The following LGR5 variants were observed in gnomAD, a reference collection of about 807,000 sequenced individuals.
LGR5 encodes leucine rich repeat containing G protein-coupled receptor 5.
In LGR5, 54 loss-of-function variants were observed where a neutral mutation model predicts 76.7. The ratio of observed to expected loss-of-function variants is 0.70; its 90% CI spans 0.57 to 0.88. The LOEUF (loss-of-function observed/expected upper bound fraction) is 0.88. Ranked by LOEUF, LGR5 falls within the 40% of genes least tolerant of loss-of-function variation. LGR5 has a pLI of 0.00. For synonymous variants in LGR5, 406 were observed against 421.9 expected (o/e 0.96, Z 0.46); for missense variants, 1,078 against 1,073.3 (o/e 1.00, Z -0.06).
intron 1 of LGR5, among the ~76,000 whole-genome samples, chr12:71,483,772 G>T (rs1337513688): frequency 6.6e-6 from 1 of 151,146 alleles, no homozygotes; most frequent in Non-Finnish European, 1.5e-5. Flanking sequence ...TTGTGTGTGT[G>T]GTGTGTGTGT....
At chr12:71,514,904 T>G (rs1215199125) in intron 2 of LGR5, among the ~76,000 whole-genome samples, 1 of 152,128 alleles carries the variant, frequency 6.6e-6, no homozygotes, top group African/African-American at 2.4e-5. Context: ...CAAGGAGTAT[T>G]AGGAAAGATA....
chr12:71,488,609 G>T (rs533310205), intron 1 of LGR5, among the ~76,000 whole-genome samples: 1 of 152,256 alleles, frequency 6.6e-6, no homozygotes, highest in East Asian at 1.9e-4. Flanking sequence ...ATGTTTTGCA[G>T]CATTGATTTA....
chr12:71,534,544 C>T (rs548906391), intron 3 of LGR5, among the ~76,000 whole-genome samples: 2 of 152,272 alleles, frequency 1.3e-5, no homozygotes, highest in South Asian at 4.1e-4. Flanking sequence ...TACATATGCC[C>T]TTCAACAGTG....
At position 71,533,966 on chromosome 12, in the gene LGR5, G is replaced by C. The variant is rs145422547; in HGVS notation, c.357-1149G>C. Among the ~76,000 whole-genome samples, 40 of 152,336 alleles carry C rather than the reference G, an allele frequency of 2.6e-4. 2 individuals are homozygous for C. In the East Asian group the frequency reaches 7.7e-3, roughly 29 times the overall value. The stretch of plus-strand genomic sequence containing the variant: ...ACTGGAAAACACACCAAGCTTTGGA[G>C]TTAGACACACCTGGGTGGAATTCCA... On this transcript the variant is annotated intron_variant, in intron 3 of 17. Coordinates refer to ENST00000266674, the MANE Select transcript of LGR5 (RefSeq NM_003667.4).
intron 17 of LGR5, 75 bp from the exon 18 acceptor site, chr12:71,583,568 TAAAG>T: frequency 1.4e-6 from 2 of 1,481,208 alleles, no homozygotes; most frequent in Admixed American, 4.2e-5. Flanking sequence ...GCATCCTAAA[TAAAG>T]AGACAAAAGG....
intron 4 of LGR5, among the ~76,000 whole-genome samples, chr12:71,547,300 A>G (rs1159568908): frequency 6.6e-6 from 1 of 152,206 alleles, no homozygotes; most frequent in Non-Finnish European, 1.5e-5. Flanking sequence ...CTATAATACT[A>G]ATTAAAACAT....
intron 3 of LGR5, among the ~76,000 whole-genome samples, chr12:71,529,831 CT>C (rs1431921479): frequency 1.3e-5 from 2 of 151,912 alleles, no homozygotes; most frequent in South Asian, 4.2e-4. Context: ...TGGTGCACCC[CT>C]GTAATCCCAG....
chr12:71,555,989 C>A (rs1877738224), intron 5 of LGR5, among the ~76,000 whole-genome samples: 1 of 152,134 alleles, frequency 6.6e-6, no homozygotes, highest in African/African-American at 2.4e-5. Flanking sequence ...GAATACTATG[C>A]AGCCATAAAA....
intron 1 of LGR5, among the ~76,000 whole-genome samples, chr12:71,442,327 C>T (rs1054013833): frequency 2.0e-5 from 3 of 152,102 alleles, no homozygotes; most frequent in African/African-American, 7.2e-5. Context: ...TGCCAATGTT[C>T]CCTATCTATC....
chr12:71,565,419 G>C (rs1878288978), intron 8 of LGR5, among the ~76,000 whole-genome samples: 1 of 9,968 alleles, frequency 1.0e-4, no homozygotes, highest in Non-Finnish European at 3.5e-3. Flanking sequence ...TGGATCAATT[G>C]AGCTATATAT....
intron 1 of LGR5, among the ~76,000 whole-genome samples, chr12:71,455,124 C>T (rs1023677527): frequency 1.3e-4 from 20 of 152,074 alleles, no homozygotes; most frequent in African/African-American, 4.8e-4. Flanking sequence ...CCAACTAAAT[C>T]ACAATTTCTG....
intron 6 of LGR5, among the ~76,000 whole-genome samples, chr12:71,557,473 A>T (rs1428872745): frequency 1.3e-5 from 2 of 152,224 alleles, no homozygotes; most frequent in African/African-American, 4.8e-5. Context: ...AGTCAGTAGC[A>T]GAACTGAGAT....
intron 4 of LGR5, among the ~76,000 whole-genome samples, chr12:71,544,664 T>G (rs533806426): frequency 3.5e-4 from 53 of 152,158 alleles, no homozygotes; most frequent in Admixed American, 2.6e-3. Flanking sequence ...AGTATTATAA[T>G]AGTTCTGTGA....
chr12:71,582,916 A>C (rs558166460), intron 17 of LGR5, among the ~76,000 whole-genome samples: 1 of 151,544 alleles, frequency 6.6e-6, no homozygotes, highest in East Asian at 1.9e-4. Context: ...TATTTGGTAA[A>C]AGCAAATAAT....
chr12:71,541,551 A>G (rs1168400971), intron 4 of LGR5, among the ~76,000 whole-genome samples: 1 of 152,240 alleles, frequency 6.6e-6, no homozygotes, highest in Non-Finnish European at 1.5e-5. Flanking sequence ...ATCAGTTGTG[A>G]AAAGACACAT....
upstream of LGR5, among the ~76,000 whole-genome samples, chr12:71,439,601 C>T (rs2137183520): frequency 6.6e-6 from 1 of 152,034 alleles, no homozygotes; most frequent in Admixed American, 6.5e-5. Flanking sequence ...AGTGGGAGCG[C>T]CGAGAACTCG....
At chr12:71,472,499 G>A (rs1873145241) in intron 1 of LGR5, among the ~76,000 whole-genome samples, 1 of 152,166 alleles carries the variant, frequency 6.6e-6, no homozygotes, top group Non-Finnish European at 1.5e-5. Context: ...CCAGTAAACA[G>A]GGAAATCACT....
At position 71,527,591 on chromosome 12, in the gene LGR5, CA is replaced by C. The variant is rs1876081014; in HGVS notation, c.356+3118del. ...TCCAAACATTTTTAAGGCGATAATACAAAATATTTATAAAGCAAACTTTTGA... is the reference window on the plus strand; with the variant it reads ...TCCAAACATTTTTAAGGCGATAATACAAATATTTATAAAGCAAACTTTTGA... On this transcript the variant is annotated intron_variant, in intron 3 of 17. Transcript: ENST00000266674. Among the ~76,000 whole-genome samples the C allele has an allele frequency of 2.0e-5, 3 of 152,152 alleles. No individual in the cohort carries two copies. The South Asian group carries it at 6.2e-4, about 31-fold the overall frequency.
At chr12:71,519,326 A>G (rs1192023666) in intron 2 of LGR5, among the ~76,000 whole-genome samples, 1 of 152,132 alleles carries the variant, frequency 6.6e-6, no homozygotes, top group Non-Finnish European at 1.5e-5. Context: ...CACCGCCACA[A>G]CCACCACCCA....
Sources: gnomAD v4.1 joint callset for allele counts (sites outside exome capture counted in the v4.1 genomes callset) on GRCh38, gnomAD v4.1.1 for gene constraint, MANE v1.5 for transcripts, NCBI Gene and HGNC (gene_info 2026-07-23, HGNC 2026-07-21) for gene names.